Variants in RGP1 observed in about 807,000 individuals in gnomAD.
The protein encoded by RGP1 is RAB6A-GEF complex partner protein 2.
A neutral mutation model predicts 44.5 loss-of-function variants in RGP1; 28 were observed. The ratio of observed to expected loss-of-function variants is 0.63; its 90% CI spans 0.47 to 0.86. The LOEUF (loss-of-function observed/expected upper bound fraction) is 0.86. Among genes scored for constraint, RGP1 ranks in the 40% least tolerant of loss-of-function variants. RGP1 has a pLI of 0.00. For missense variants in RGP1, 417 were observed against 490.7 expected (o/e 0.85, Z 1.42); for synonymous variants, 212 against 196.7 (o/e 1.08, Z -0.65).
the RGP1 span, among the ~76,000 whole-genome samples, chr9:35,784,939 A>G: frequency 4.6e-5 from 7 of 152,096 alleles, no homozygotes; most frequent in African/African-American, 2.4e-5. Flanking sequence ...GCCAAGCTTT[A>G]CTCTTCACAG....
At chr9:35,785,237 G>A in the RGP1 span, among the ~76,000 whole-genome samples, 4 of 152,128 alleles carry the variant, frequency 2.6e-5, no homozygotes. Context: ...TCAGGGTCTG[G>A]AGATGGATTC....
At chr9:35,767,810 CA>C in the RGP1 span, among the ~76,000 whole-genome samples, 72 of 152,104 alleles carry the variant, frequency 4.7e-4, no homozygotes, top group African/African-American at 1.7e-3. Context: ...ATTAAGTGGA[CA>C]TTTGTTGTTG....
At chr9:35,785,210 T>C in the RGP1 span, among the ~76,000 whole-genome samples, 1 of 152,152 alleles carries the variant, frequency 6.6e-6, no homozygotes, top group East Asian at 1.9e-4. Context: ...GTTTTGGGAC[T>C]GAGTACATAA....
rs370349002 is a variant in RGP1 at position 35,753,256 on chromosome 9, C to T, written c.*382C>T. The T allele has an allele frequency of 5.8e-5, 94 of 1,613,812 alleles. No homozygotes were observed. The highest frequency in any genetic ancestry group is 1.1e-4 in the South Asian group (10 of 91,076). On this transcript the variant is annotated 3_prime_UTR_variant, in exon 9 of 9. Transcript: ENST00000378078. This position sits in a 1 kb window ranked among gnomAD's most constrained non-coding sequence, Gnocchi z 4.2. Reference sequence around the variant, plus strand: ...CCTCCTGACGTACCTCACACCCAGCCGGGAAGTCGATGGGATGCTGGGACC... The same window carrying T: ...CCTCCTGACGTACCTCACACCCAGCTGGGAAGTCGATGGGATGCTGGGACC...
rs1563974188 is a variant in RGP1, at chr9:35,752,780, T to C, written c.1082T>C (p.Phe361Ser). The C allele has an allele frequency of 1.2e-6, 2 of 1,613,858 alleles. No homozygotes were observed. Among genetic ancestry groups the C allele is most frequent in the Admixed American group, 1.7e-5 (1 of 60,004 alleles). Residue 361 changes from phenylalanine (F) to serine (S), a missense_variant, in exon 9 of 9, where the codon TTC (phenylalanine) becomes TCC (serine). Coordinates refer to ENST00000378078, the MANE Select transcript of RGP1 (RefSeq NM_001080496.3). Reference sequence around the variant, plus strand: ...CCTGAGCAAGTACCTGTAGACACCTTCAGCTGGGACCTGCCCATCAAGGTG... The same window carrying C: ...CCTGAGCAAGTACCTGTAGACACCTCCAGCTGGGACCTGCCCATCAAGGTG... ...TGPEQVPVDTFSWDLPIKVLP... is the reference protein window; with the variant it reads ...TGPEQVPVDTSSWDLPIKVLP...
At position 35,749,746 on chromosome 9, in the gene RGP1, C is replaced by T. The variant is rs754764082; in HGVS notation, c.-10C>T. The T allele has an allele frequency of 1.3e-6, 2 of 1,599,750 alleles. No homozygotes were observed. The highest frequency in any genetic ancestry group is 1.1e-5 in the South Asian group (1 of 90,498). On this transcript the variant is annotated 5_prime_UTR_variant, in exon 2 of 9. Transcript: ENST00000378078. The surrounding 1 kb of genome is among the most constrained non-coding windows in gnomAD (Gnocchi z 4.4). Reference sequence around the variant, plus strand: ...CCTTGTTTCCTTCTAGATCTGATTCCGGAGCTGCCATGATTGAAGTGGTAG... The same window carrying T: ...CCTTGTTTCCTTCTAGATCTGATTCTGGAGCTGCCATGATTGAAGTGGTAG...
chr9:35,749,483 T>A lies in RGP1; in HGVS notation c.-20+75T>A. 1 of 638,874 alleles carries A rather than the reference T, an allele frequency of 1.6e-6. No homozygotes were observed. 39.6% of individuals were successfully genotyped at this position (638,874 alleles called of 1,614,324 possible). A position where few individuals can be genotyped will look rare whatever the true frequency, so the allele number is the denominator to read the frequency against. On this transcript the variant is annotated intron_variant, in intron 1 of 8. Coordinates refer to ENST00000378078, the MANE Select transcript of RGP1 (RefSeq NM_001080496.3). The surrounding 1 kb of genome is among the most constrained non-coding windows in gnomAD (Gnocchi z 4.4). ...GGGGAGCGGAGGCCAGTTTGGGAAC[T>A]CCGCGGGGGTGCCCAGGGAGAAGAA... is the stretch of plus-strand genomic sequence containing the variant.
At chr9:35,775,340 C>A in the RGP1 span, among the ~76,000 whole-genome samples, 1 of 152,276 alleles carries the variant, frequency 6.6e-6, no homozygotes, top group South Asian at 2.1e-4. Flanking sequence ...ACCGAACCTT[C>A]TATTCTCCCT....
chr9:35,759,496 AG>A (rs1024221770), downstream of RGP1, among the ~76,000 whole-genome samples: 1 of 127,886 alleles, frequency 7.8e-6, no homozygotes, highest in Non-Finnish European at 1.6e-5. Context: ...TGGGAGGCTG[AG>A]GCTCCAGTGA....
chr9:35,757,284 C>T lies in RGP1; in HGVS notation c.*4410C>T, dbSNP rs1827371588. On this transcript the variant is annotated 3_prime_UTR_variant, in exon 9 of 9. Transcript: ENST00000378078. ...GGGTCTGGAGGAGCCAGGAGGGTTT[C>T]TGGGAGCAGAGGGTCACTTAGTGGG... 6.6e-6 allele frequency: 1 copy of T among 152,494 alleles called. No individual in the cohort carries two copies. The highest frequency in any genetic ancestry group is 2.1e-4 in the South Asian group (1 of 4,844). 9.4% of individuals were successfully genotyped at this position (152,494 alleles called of 1,614,324 possible). A position where few individuals can be genotyped will look rare whatever the true frequency, so the allele number is the denominator to read the frequency against.
At chr9:35,769,201 C>G in the RGP1 span, among the ~76,000 whole-genome samples, 1 of 152,240 alleles carries the variant, frequency 6.6e-6, no homozygotes, top group East Asian at 1.9e-4. Flanking sequence ...CCTGGCTGCA[C>G]CCATTGCCAA....
the RGP1 span, among the ~76,000 whole-genome samples, chr9:35,782,542 A>G: frequency 1.1e-3 from 170 of 151,118 alleles, 1 homozygote; most frequent in East Asian, 0.032. Flanking sequence ...CGCCTCCTGG[A>G]ATCAAATGAT....
At position 35,750,252 on chromosome 9, in the gene RGP1, G is replaced by T; in HGVS notation, c.126G>T (p.Leu42=). 1 of 1,613,718 alleles carries T rather than the reference G, an allele frequency of 6.2e-7. No individual in the cohort carries two copies. Among genetic ancestry groups the T allele is most frequent in the Non-Finnish European group, 8.5e-7 (1 of 1,179,822 alleles). Residue 42 remains leucine (L), a synonymous_variant, in exon 3 of 9, where the codon CTG becomes CTT. Coordinates refer to ENST00000378078, the MANE Select transcript of RGP1 (RefSeq NM_001080496.3). ...PTATSASSEA[L]AWASAQIHCQ... is the part of the protein sequence containing the mutation. ...TTTCCTTTTCCCACAGTGAGGCCCT[G>T]GCCTGGGCCAGTGCCCAAATCCACT... is the stretch of plus-strand genomic sequence containing the variant.
At chr9:35,777,264 G>T in the RGP1 span, among the ~76,000 whole-genome samples, 3 of 150,362 alleles carry the variant, frequency 2.0e-5, no homozygotes, top group Non-Finnish European at 4.4e-5. Context: ...CCAGTAGCTG[G>T]GACTACAGGT....
chr9:35,753,681 A>T lies in RGP1; in HGVS notation c.*807A>T. ...TCACGTGTCACAGCAGCCCACGCCA[A>T]CAGGATGCAGACAGGTGCAATGGAA... On this transcript the variant is annotated 3_prime_UTR_variant, in exon 9 of 9. Coordinates refer to ENST00000378078, the MANE Select transcript of RGP1 (RefSeq NM_001080496.3). The surrounding 1 kb of genome is among the most constrained non-coding windows in gnomAD (Gnocchi z 4.2). 6.2e-7 allele frequency: 1 copy of T among 1,614,132 alleles called. No individual in the cohort carries two copies. The highest frequency in any genetic ancestry group is 1.7e-5 in the Admixed American group (1 of 60,012).
At chr9:35,773,647 G>T in the RGP1 span, among the ~76,000 whole-genome samples, 2 of 151,750 alleles carry the variant, frequency 1.3e-5, no homozygotes, top group African/African-American at 2.4e-5. Context: ...GACTACAGGC[G>T]CATGCCACTA....
At chr9:35,772,901 G>GTAA in the RGP1 span, among the ~76,000 whole-genome samples, 3 of 151,866 alleles carry the variant, frequency 2.0e-5, no homozygotes, top group Admixed American at 2.0e-4. Flanking sequence ...GTGTTTTAAA[G>GTAA]TAATATGTCT....
At chr9:35,770,867 A>G in the RGP1 span, among the ~76,000 whole-genome samples, 5 of 152,308 alleles carry the variant, frequency 3.3e-5, no homozygotes, top group African/African-American at 1.2e-4. Context: ...TGCCTGTCAA[A>G]TCTGAAGAAA....
the RGP1 span, among the ~76,000 whole-genome samples, chr9:35,767,745 G>C: frequency 1.3e-5 from 2 of 152,088 alleles, no homozygotes; most frequent in African/African-American, 4.8e-5. Context: ...TTCTTGCTGA[G>C]CCTGGACATA....
Sources: allele counts gnomAD v4.1 joint callset (sites outside exome capture counted in the v4.1 genomes callset), GRCh38; gene constraint gnomAD v4.1.1; non-coding constraint Gnocchi (gnomAD v3.1); transcripts MANE v1.5; gene names NCBI Gene and HGNC (gene_info 2026-07-23, HGNC 2026-07-21).